The following EMP2 variants were observed in gnomAD, a reference collection of about 807,000 sequenced individuals.
EMP2 encodes epithelial membrane protein 2.
EMP2 carries 19 observed loss-of-function variants against 13.7 expected under a neutral mutation model. The observed-to-expected ratio is 1.38, with a 90% CI of 0.97 to 2.03. The LOEUF (loss-of-function observed/expected upper bound fraction) is 2.03. Ranked by LOEUF, EMP2 falls within the 30% of genes most tolerant of loss-of-function variation. The pLI is 0.00. For missense variants in EMP2, 253 were observed against 220.7 expected, an observed-to-expected ratio of 1.15 and a Z score of -0.93; for synonymous variants, 97 against 84.7, an observed-to-expected ratio of 1.15 and a Z score of -0.80.
Position 10,572,039 on chromosome 16 carries a change from C to G in EMP2, c.-61+8510G>C, listed in dbSNP as rs555465927. On this transcript the variant is annotated intron_variant, in intron 1 of 4. Transcript: ENST00000359543. ...CAAGGCTCCCTGGCCACATTTTACT[C>G]AAAACATCATATCACCTGATGATCT... 7.9e-5 allele frequency among the ~76,000 whole-genome samples: 12 copies of G among 152,324 alleles called. 1 individual carries two copies. The South Asian group carries it at 2.5e-3, about 32-fold the overall frequency.
At chr16:10,561,746 G>C (rs1020464115) in intron 1 of EMP2, among the ~76,000 whole-genome samples, 5 of 152,200 alleles carry the variant, frequency 3.3e-5, no homozygotes, top group African/African-American at 1.2e-4. Flanking sequence ...TTGCAGGACA[G>C]TATTCACAGC....
rs537462974 is a variant in EMP2, at chr16:10,560,613, G to A, written c.-60-12936C>T. Among the ~76,000 whole-genome samples, 9 of 152,286 alleles carry A rather than the reference G, an allele frequency of 5.9e-5. 1 individual carries two copies. The South Asian group carries it at 1.0e-3, about 18-fold the overall frequency. Reference sequence around the variant, plus strand: ...ATGCTCTGTGTGCCCTGGGGCTGCCGGGTCCCTAAAGGGCAAGGGTGTGTA... The same window carrying A: ...ATGCTCTGTGTGCCCTGGGGCTGCCAGGTCCCTAAAGGGCAAGGGTGTGTA... On this transcript the variant is annotated intron_variant, in intron 1 of 4. Transcript: ENST00000359543.
At position 10,528,802 on chromosome 16, in the gene EMP2, C is replaced by T. The variant is rs28622553; in HGVS notation, c.*4103G>A. 377 of 152,288 alleles carry T rather than the reference C, an allele frequency of 2.5e-3. 2 individuals carry two copies. Among genetic ancestry groups the T allele is most frequent in the African/African-American group, 8.7e-3 (363 of 41,558 alleles). 9.4% of individuals were successfully genotyped at this position (152,288 alleles called of 1,614,324 possible). A position where few individuals can be genotyped will look rare whatever the true frequency, so the allele number is the denominator to read the frequency against. The stretch of plus-strand genomic sequence containing the variant: ...TTTAAACTATTAGCGAGTTTAGTAA[C>T]ATCCCGCGAGGCAGATTTTAAACTA... On this transcript the variant is annotated 3_prime_UTR_variant, in exon 5 of 5. Coordinates refer to ENST00000359543, the MANE Select transcript of EMP2 (RefSeq NM_001424.6).
chr16:10,574,666 C>T (rs1297481294), intron 1 of EMP2, among the ~76,000 whole-genome samples: 1 of 152,174 alleles, frequency 6.6e-6, no homozygotes, highest in Non-Finnish European at 1.5e-5. Flanking sequence ...ATTCTCCTGC[C>T]TCAGCCTCCC....
At chr16:10,535,745 C>G (rs1424826148) in intron 4 of EMP2, among the ~76,000 whole-genome samples, 1 of 152,112 alleles carries the variant, frequency 6.6e-6, no homozygotes, top group African/African-American at 2.4e-5. Context: ...ATTCAATTGC[C>G]TTTAATGGGG....
intron 1 of EMP2, among the ~76,000 whole-genome samples, chr16:10,575,632 C>A (rs577898231): frequency 6.6e-6 from 1 of 152,108 alleles, no homozygotes; most frequent in African/African-American, 2.4e-5. Flanking sequence ...AAGCCTGCAG[C>A]AGCTCACTGC....
In EMP2 at chr16:10,529,475, C is replaced by T. The variant is rs3087620; in HGVS notation, c.*3430G>A. 0.76 allele frequency: 115,614 copies of T among 152,168 alleles called. 44,325 individuals are homozygous for T. The highest frequency in any genetic ancestry group is 0.85 in the African/African-American group (35,168 of 41,518). 9.4% of individuals were successfully genotyped at this position (152,168 alleles called of 1,614,324 possible). On this transcript the variant is annotated 3_prime_UTR_variant, in exon 5 of 5. Transcript: ENST00000359543. ...GATGTGGGCACTGAATGTTGTACAG[C>T]AGTGGCAACCAGCCGGGAAAATCCA...
chr16:10,535,839 C>T (rs1370935179), intron 4 of EMP2, among the ~76,000 whole-genome samples: 7 of 152,212 alleles, frequency 4.6e-5, no homozygotes, highest in African/African-American at 1.4e-4. Context: ...CTGACTACCT[C>T]GCCCAGGGTC....
chr16:10,557,134 A>T (rs761706854), intron 1 of EMP2, among the ~76,000 whole-genome samples: 1 of 152,198 alleles, frequency 6.6e-6, no homozygotes, highest in Non-Finnish European at 1.5e-5. Context: ...AGGCGGGCAG[A>T]TCGCTTGAGG....
chr16:10,541,964 T>C (rs994815180), intron 3 of EMP2, among the ~76,000 whole-genome samples: 2 of 152,198 alleles, frequency 1.3e-5, no homozygotes, highest in Admixed American at 6.5e-5. Flanking sequence ...GCTGCTTTTA[T>C]GATGAATATG....
In EMP2 at chr16:10,529,587, G is replaced by T. The variant is rs1265974941; in HGVS notation, c.*3318C>A. The stretch of plus-strand genomic sequence containing the variant: ...GGGAATTGATGTATTGCTTGAGGGG[G>T]TCGATCTCTGGTTCTAAGGTGTTTT... On this transcript the variant is annotated 3_prime_UTR_variant, in exon 5 of 5. Coordinates refer to ENST00000359543, the MANE Select transcript of EMP2 (RefSeq NM_001424.6). The T allele has an allele frequency of 6.6e-6, 1 of 152,186 alleles. No individual in the cohort carries two copies. The highest frequency in any genetic ancestry group is 1.9e-4 in the East Asian group (1 of 5,202). 9.4% of individuals were successfully genotyped at this position (152,186 alleles called of 1,614,324 possible). A position where few individuals can be genotyped will look rare whatever the true frequency, so the allele number is the denominator to read the frequency against.
chr16:10,535,621 C>A (rs368745560), intron 4 of EMP2, among the ~76,000 whole-genome samples: 3 of 151,990 alleles, frequency 2.0e-5, no homozygotes, highest in African/African-American at 7.2e-5. Flanking sequence ...GAGGTGGGAG[C>A]ATTGCTTGAG....
intron 1 of EMP2, among the ~76,000 whole-genome samples, chr16:10,573,085 T>A (rs917850218): frequency 2.0e-5 from 3 of 152,208 alleles, no homozygotes. Context: ...GGTCTTGCTC[T>A]GTCACCCAGG....
chr16:10,549,725 A>ACT (rs1360340565), intron 1 of EMP2, among the ~76,000 whole-genome samples: 6 of 45,966 alleles, frequency 1.3e-4, no homozygotes, highest in East Asian at 8.3e-4. Flanking sequence ...GCACACACAC[A>ACT]CACTCACACA....
intron 3 of EMP2, among the ~76,000 whole-genome samples, chr16:10,541,118 A>ATGGG (rs1268284865): frequency 6.6e-6 from 1 of 151,882 alleles, no homozygotes; most frequent in Non-Finnish European, 1.5e-5. Flanking sequence ...AAATAGATTT[A>ATGGG]TGGGTGAGTG....
intron 1 of EMP2, among the ~76,000 whole-genome samples, chr16:10,558,804 G>A (rs1367191286): frequency 1.3e-5 from 2 of 152,052 alleles, no homozygotes; most frequent in African/African-American, 2.4e-5. Context: ...GAGTCAGAGA[G>A]CCCAGCTGGC....
intron 3 of EMP2, among the ~76,000 whole-genome samples, chr16:10,540,472 C>G (rs972936204): frequency 1.3e-5 from 2 of 151,164 alleles, no homozygotes; most frequent in Non-Finnish European, 2.9e-5. Context: ...CGCCACTGCA[C>G]TCCAGCCTGG....
chr16:10,566,140 GCTTC>G (rs1327847807), intron 1 of EMP2, among the ~76,000 whole-genome samples: 1 of 152,158 alleles, frequency 6.6e-6, no homozygotes, highest in Non-Finnish European at 1.5e-5. Context: ...CGGACCCTAA[GCTTC>G]AGAACAAGGG....
At chr16:10,558,227 G>A (rs115753354) in intron 1 of EMP2, among the ~76,000 whole-genome samples, 1,626 of 152,084 alleles carry the variant, frequency 0.011, 31 homozygotes, top group African/African-American at 0.037. Flanking sequence ...GAGTCTTGCT[G>A]TGTTGCCCAG....
Sources: allele counts gnomAD v4.1 joint callset (sites outside exome capture counted in the v4.1 genomes callset), GRCh38; gene constraint gnomAD v4.1.1; transcripts MANE v1.5; gene names NCBI Gene and HGNC (gene_info 2026-07-23, HGNC 2026-07-21).